Variants in CKAP5 observed in about 807,000 individuals in gnomAD.
CKAP5 encodes cytoskeleton associated protein 5.
CKAP5 carries 27 observed loss-of-function variants against 232.8 expected under a neutral mutation model. That is an observed-to-expected ratio of 0.12 (90% CI 0.09 to 0.16). CKAP5 has a LOEUF of 0.16. Ranked by LOEUF, CKAP5 falls within the 10% of genes least tolerant of loss-of-function variation. The probability of loss-of-function intolerance (pLI) is 1.00; values close to 1 mark genes in which losing one functional copy is unlikely to be tolerated. For missense variants in CKAP5, 1,838 were observed against 2,424.7 expected, an observed-to-expected ratio of 0.76 and a Z score of 5.08; for synonymous variants, 785 against 841.1, an observed-to-expected ratio of 0.93 and a Z score of 1.16.
chr11:46,815,839 C>T (rs1321125455), intron 4 of CKAP5, among the ~76,000 whole-genome samples: 1 of 152,184 alleles, frequency 6.6e-6, no homozygotes, highest in Non-Finnish European at 1.5e-5. Flanking sequence ...TTGAGATACT[C>T]TAGTTCAGGG....
At chr11:46,821,974 G>A (rs543449818) in intron 1 of CKAP5, among the ~76,000 whole-genome samples, 6 of 152,220 alleles carry the variant, frequency 3.9e-5, no homozygotes, top group African/African-American at 1.4e-4. Flanking sequence ...GGGAGGAGGA[G>A]GTTGCAGTGA....
intron 4 of CKAP5, among the ~76,000 whole-genome samples, chr11:46,815,682 A>G (rs1191049074): frequency 6.6e-6 from 1 of 152,208 alleles, no homozygotes; most frequent in African/African-American, 2.4e-5. Context: ...TAACTACACA[A>G]CACACTTGAA....
Position 46,809,888 on chromosome 11 carries a change from A to AATATTTAAATTTATCTT in CKAP5, c.631-15_631-14insAAGATAAATTTAAATAT. ...TAGTTCTTTCAACTGCAAATGTCAT[A>AATATTTAAATTTATCTT]TAATATTTAAATAATATCTGCATCT... is the stretch of plus-strand genomic sequence containing the variant. On this transcript the variant is annotated splice_polypyrimidine_tract_variant and intron_variant, in intron 5 of 43. Coordinates refer to ENST00000529230, the MANE Select transcript of CKAP5 (RefSeq NM_001008938.4). 1 of 1,597,146 alleles carries AATATTTAAATTTATCTT rather than the reference A, an allele frequency of 6.3e-7. No individual in the cohort carries two copies.
At chr11:46,802,373 A>G (rs1375122492) in intron 8 of CKAP5, 2 of 152,140 alleles carry the variant, frequency 1.3e-5, no homozygotes, top group African/African-American at 2.4e-5. Context: ...AGTTGGTGTT[A>G]AAAAGCTGCT....
Position 46,762,769 on chromosome 11 carries a change from G to C in CKAP5, c.3892-7C>G. Reference sequence around the variant, plus strand: ...CATCCTTTGGTTCTCCAACCTAGTCGATAAGGAAAATAATGATTAAGTGAG... The same window carrying C: ...CATCCTTTGGTTCTCCAACCTAGTCCATAAGGAAAATAATGATTAAGTGAG... On this transcript the variant is annotated splice_region_variant and splice_polypyrimidine_tract_variant and intron_variant, in intron 30 of 43. Transcript: ENST00000529230. The C allele has an allele frequency of 1.9e-6, 3 of 1,613,026 alleles. No homozygotes were observed. Among genetic ancestry groups the C allele is most frequent in the Non-Finnish European group, 2.5e-6 (3 of 1,179,282 alleles).
chr11:46,771,294 A>G (rs1264474299), intron 24 of CKAP5, among the ~76,000 whole-genome samples: 3 of 152,252 alleles, frequency 2.0e-5, no homozygotes. Context: ...AAAAATATTT[A>G]GCTAGAAGAC....
intron 36 of CKAP5, among the ~76,000 whole-genome samples, 180 bp downstream of exon 36, chr11:46,754,708 G>A (rs1454826704): frequency 6.6e-6 from 1 of 152,216 alleles, no homozygotes; most frequent in Non-Finnish European, 1.5e-5. Context: ...TAACAGTAAG[G>A]TGGGATGGAG....
At chr11:46,838,025 T>A (rs541028072) in intron 1 of CKAP5, among the ~76,000 whole-genome samples, 9 of 152,038 alleles carry the variant, frequency 5.9e-5, no homozygotes, top group African/African-American at 1.4e-4. Flanking sequence ...TTCAGGTCAA[T>A]ATGAACAGTC....
Position 46,809,389 on chromosome 11 carries a change from C to T in CKAP5, c.864+11G>A. On this transcript the variant is annotated intron_variant, in intron 7 of 43. Transcript: ENST00000529230. ...CAAGAAATAAATGAAAGAAGTTTAA[C>T]TATTACTTACAATTTTGTCATAAAA... The T allele has an allele frequency of 6.7e-7, 1 of 1,481,702 alleles. No homozygotes were observed. Among genetic ancestry groups the T allele is most frequent in the Non-Finnish European group, 9.4e-7 (1 of 1,065,542 alleles). 91.8% of individuals were successfully genotyped at this position (1,481,702 alleles called of 1,614,324 possible).
chr11:46,806,299 G>A (rs1939153173), intron 8 of CKAP5, among the ~76,000 whole-genome samples: 2 of 152,142 alleles, frequency 1.3e-5, no homozygotes, highest in African/African-American at 4.8e-5. Context: ...AATATCCTTA[G>A]AAAATACATG....
intron 9 of CKAP5, among the ~76,000 whole-genome samples, chr11:46,800,612 A>AACAAACTTAT (rs1477651187): frequency 2.0e-5 from 3 of 146,606 alleles, no homozygotes; most frequent in African/African-American, 8.1e-5. Flanking sequence ...TTTGATTGGA[A>AACAAACTTAT]ACAAACTTAT....
intron 35 of CKAP5, 96 bp from the exon 36 acceptor site, chr11:46,755,163 G>T: frequency 2.6e-6 from 2 of 783,762 alleles, no homozygotes; most frequent in South Asian, 2.4e-5. Context: ...ATATTTATTA[G>T]CAAAGTACTT....
rs1156472710 is a variant in CKAP5, at chr11:46,752,193, T to TACACACACAC, written c.5133+432_5133+441dup. On this transcript the variant is annotated intron_variant, in intron 38 of 43. Coordinates refer to ENST00000529230, the MANE Select transcript of CKAP5 (RefSeq NM_001008938.4). ...ATATATATATATATATATATATATA[T>TACACACACAC]ACACACACACACACACACACACACA... Among the ~76,000 whole-genome samples the TACACACACAC allele has an allele frequency of 1.5e-4, 10 of 66,556 alleles. 1 individual carries two copies. The highest frequency in any genetic ancestry group is 2.6e-4 in the African/African-American group (5 of 19,568). 43.7% of individuals were successfully genotyped at this position (66,556 alleles called of 152,430 possible).
chr11:46,795,007 T>C (rs1938835546), intron 13 of CKAP5, among the ~76,000 whole-genome samples: 2 of 152,098 alleles, frequency 1.3e-5, no homozygotes, highest in South Asian at 2.1e-4. Context: ...ATTATAAACA[T>C]ACTTAATATT....
chr11:46,839,331 A>G (rs1939996706), intron 1 of CKAP5, among the ~76,000 whole-genome samples: 1 of 152,210 alleles, frequency 6.6e-6, no homozygotes, highest in South Asian at 2.1e-4. Flanking sequence ...AATGTGTTGG[A>G]GTTATACACA....
chr11:46,818,518 G>A lies in CKAP5; in HGVS notation c.58-15C>T, dbSNP rs1939457314. The A allele has an allele frequency of 1.3e-6, 2 of 1,508,636 alleles. No individual in the cohort carries two copies. Among genetic ancestry groups the A allele is most frequent in the Admixed American group, 4.7e-5 (2 of 42,208 alleles). 93.5% of individuals were successfully genotyped at this position (1,508,636 alleles called of 1,614,324 possible). A position where few individuals can be genotyped will look rare whatever the true frequency, so the allele number is the denominator to read the frequency against. On this transcript the variant is annotated splice_polypyrimidine_tract_variant and intron_variant, in intron 2 of 43. Transcript: ENST00000529230. ...GCTTTCCACAGCTAAAAGAAAAGTAGTATTTTGAAACAAAACATAATTTAA... is the reference window on the plus strand; with the variant it reads ...GCTTTCCACAGCTAAAAGAAAAGTAATATTTTGAAACAAAACATAATTTAA...
intron 38 of CKAP5, 128 bp downstream of exon 38, chr11:46,752,507 T>C: frequency 1.7e-6 from 1 of 599,140 alleles, no homozygotes; most frequent in South Asian, 2.6e-5. Context: ...TTACGAAAAA[T>C]ATATTTTCAG....
chr11:46,797,893 G>A lies in CKAP5; in HGVS notation c.1250C>T (p.Ser417Phe). 6.2e-7 allele frequency: 1 copy of A among 1,614,092 alleles called. No individual in the cohort carries two copies. Among genetic ancestry groups the A allele is most frequent in the South Asian group, 1.1e-5 (1 of 91,082 alleles). ...NKNPTIKQQT[S>F]LFIARSFRHC... ...GCGGAAACTTCTTGCAATAAAAAGAGATGTCTGCTGCTTGATGGTTGGATT... is the reference window on the plus strand; with the variant it reads ...GCGGAAACTTCTTGCAATAAAAAGAAATGTCTGCTGCTTGATGGTTGGATT... The change falls in exon 11 of 44, where the codon TCT (serine) becomes TTT (phenylalanine). Residue 417 changes from serine to phenylalanine, a missense_variant. By Grantham distance (155) the Ser-to-Phe change is radical. Coordinates refer to ENST00000529230, the MANE Select transcript of CKAP5 (RefSeq NM_001008938.4).
intron 12 of CKAP5, 73 bp from the exon 13 acceptor site, chr11:46,795,849 A>G: frequency 8.0e-7 from 1 of 1,252,726 alleles, no homozygotes; most frequent in South Asian, 1.3e-5. Context: ...TTACATTTCT[A>G]AACCACAACT....
Sources: allele counts gnomAD v4.1 joint callset (sites outside exome capture counted in the v4.1 genomes callset), GRCh38; gene constraint gnomAD v4.1.1; transcripts MANE v1.5; gene names NCBI Gene and HGNC (gene_info 2026-07-23, HGNC 2026-07-21).